GULP1: variants seen among roughly 807,000 people sequenced by gnomAD.
GULP1 encodes GULP PTB domain containing engulfment adaptor 1.
GULP1 carries 19 observed loss-of-function variants against 40.9 expected under a neutral mutation model. The observed-to-expected ratio is 0.46, with a 90% CI of 0.32 to 0.68. The LOEUF (loss-of-function observed/expected upper bound fraction) is 0.68, where lower values mean the gene tolerates loss of function less well. GULP1 is among the 30% of genes least tolerant of loss of function. The pLI is 0.03. For missense variants in GULP1, 312 were observed against 362.2 expected, an observed-to-expected ratio of 0.86 and a Z score of 1.12; for synonymous variants, 119 against 117.6, an observed-to-expected ratio of 1.01 and a Z score of -0.08.
chr2:188,503,032 A>T (rs749681702), intron 4 of GULP1, among the ~76,000 whole-genome samples: 9 of 151,844 alleles, frequency 5.9e-5, no homozygotes, highest in Non-Finnish European at 1.0e-4. Context: ...TCATAAATCC[A>T]TGACCTAATC....
In GULP1 at chr2:188,525,912, C is replaced by A. The variant is rs898709858; in HGVS notation, c.162+3085C>A. 2.6e-5 allele frequency among the ~76,000 whole-genome samples: 4 copies of A among 152,250 alleles called. No homozygotes were observed. The South Asian group carries it at 8.3e-4, about 32-fold the overall frequency. ...AATTTAATTATATATAAACATCGCT[C>A]ATTTCCCGCAGGATTATTAGAAATA... On this transcript the variant is annotated intron_variant, in intron 5 of 11. Transcript: ENST00000409830.
At chr2:188,417,581 TA>T (rs2054751803) in intron 2 of GULP1, among the ~76,000 whole-genome samples, 1 of 152,216 alleles carries the variant, frequency 6.6e-6, no homozygotes, top group South Asian at 2.1e-4. Flanking sequence ...ATATTTCACT[TA>T]ATTAAAAACT....
At chr2:188,295,617 G>C (rs181500438) in intron 1 of GULP1, among the ~76,000 whole-genome samples, 1 of 151,870 alleles carries the variant, frequency 6.6e-6, no homozygotes, top group African/African-American at 2.4e-5. Context: ...ACTCTTTTTC[G>C]GGTGAACAGA....
intron 7 of GULP1, among the ~76,000 whole-genome samples, chr2:188,548,632 AAAAG>A: frequency 6.6e-6 from 1 of 152,072 alleles, no homozygotes; most frequent in East Asian, 1.9e-4. Context: ...CAATTTCAAA[AAAAG>A]AGCAGTGAAG....
chr2:188,477,490 A>G (rs1186022408), intron 2 of GULP1, among the ~76,000 whole-genome samples, 169 bp from the exon 3 acceptor site: 1 of 152,108 alleles, frequency 6.6e-6, no homozygotes, highest in Non-Finnish European at 1.5e-5. Flanking sequence ...CACTCACGTT[A>G]TTAAGTACTT....
intron 2 of GULP1, among the ~76,000 whole-genome samples, chr2:188,456,800 C>A (rs781578568): frequency 6.6e-6 from 1 of 152,098 alleles, no homozygotes; most frequent in Non-Finnish European, 1.5e-5. Flanking sequence ...ACACTCATTG[C>A]CAACTCATGA....
chr2:188,523,456 G>A (rs922210345), intron 5 of GULP1, among the ~76,000 whole-genome samples: 1 of 152,086 alleles, frequency 6.6e-6, no homozygotes, highest in African/African-American at 2.4e-5. Context: ...TAATTGTTCC[G>A]CATCTCGAAG....
intron 4 of GULP1, among the ~76,000 whole-genome samples, chr2:188,490,517 T>C (rs186260034): frequency 1.3e-5 from 2 of 152,276 alleles, no homozygotes; most frequent in East Asian, 3.9e-4. Context: ...TTGGCAGAGA[T>C]GTGAGTGAGC....
intron 1 of GULP1, among the ~76,000 whole-genome samples, chr2:188,352,649 C>CACACACACACACACATAT (rs374718200): frequency 6.8e-6 from 1 of 146,116 alleles, no homozygotes. Flanking sequence ...CACACACACA[C>CACACACACACACACATAT]GGTTCTGTTT....
At chr2:188,363,594 A>G (rs539407049) in intron 1 of GULP1, among the ~76,000 whole-genome samples, 1 of 152,262 alleles carries the variant, frequency 6.6e-6, no homozygotes, top group East Asian at 1.9e-4. Context: ...TCCAATTTTC[A>G]AGGCAAAGGG....
chr2:188,423,647 C>CT lies in GULP1; in HGVS notation c.-45+39761dup, dbSNP rs2055763362. Among the ~76,000 whole-genome samples the CT allele has an allele frequency of 2.0e-5, 3 of 151,548 alleles. No individual in the cohort carries two copies. In the East Asian group the frequency reaches 5.8e-4, roughly 29 times the overall value. ...CTCTGCTAATCAGTATTTTCTAGCT[C>CT]TTTCTAATTTTAGTAACTTATGAAT... On this transcript the variant is annotated intron_variant, in intron 2 of 11. Transcript: ENST00000409830.
intron 2 of GULP1, among the ~76,000 whole-genome samples, chr2:188,456,606 G>T (rs2059287747): frequency 6.6e-6 from 1 of 152,206 alleles, no homozygotes; most frequent in South Asian, 2.1e-4. Context: ...TGCTGCAGGG[G>T]TGGGGTCATC....
chr2:188,564,972 T>C (rs1214130727), intron 7 of GULP1, among the ~76,000 whole-genome samples: 1 of 151,948 alleles, frequency 6.6e-6, no homozygotes, highest in Non-Finnish European at 1.5e-5. Context: ...TGACAAATGG[T>C]TTTGAAATAA....
chr2:188,529,810 A>T (rs997402432), intron 6 of GULP1, among the ~76,000 whole-genome samples: 1 of 152,136 alleles, frequency 6.6e-6, no homozygotes, highest in Admixed American at 6.6e-5. Context: ...TTGGATTAGG[A>T]ACCATACTCA....
chr2:188,382,830 C>T (rs1014506918), intron 1 of GULP1, among the ~76,000 whole-genome samples: 1 of 152,144 alleles, frequency 6.6e-6, no homozygotes, highest in African/African-American at 2.4e-5. Context: ...GGTCAATAGG[C>T]TTCTGAAGAA....
intron 2 of GULP1, among the ~76,000 whole-genome samples, chr2:188,452,086 A>G (rs903940523): frequency 1.3e-5 from 2 of 152,220 alleles, no homozygotes; most frequent in African/African-American, 4.8e-5. Flanking sequence ...ATTTTCTAAT[A>G]TGCAGACTTA....
chr2:188,462,692 G>C (rs1037337661), intron 2 of GULP1, among the ~76,000 whole-genome samples: 4 of 151,838 alleles, frequency 2.6e-5, no homozygotes, highest in African/African-American at 9.7e-5. Context: ...TTTTCTTACA[G>C]TTTCTTCCTG....
At chr2:188,512,769 T>C (rs892798264) in intron 4 of GULP1, among the ~76,000 whole-genome samples, 10 of 152,092 alleles carry the variant, frequency 6.6e-5, no homozygotes, top group Non-Finnish European at 1.3e-4. Context: ...CTTCCACACA[T>C]TTTGTTAAAT....
intron 6 of GULP1, among the ~76,000 whole-genome samples, chr2:188,537,786 T>C (rs1387366494): frequency 5.9e-5 from 9 of 152,114 alleles, no homozygotes; most frequent in Non-Finnish European, 1.2e-4. Flanking sequence ...GTAGGTATAG[T>C]AGAACTTGGC....
Sources: gnomAD v4.1 joint callset for allele counts (sites outside exome capture counted in the v4.1 genomes callset) on GRCh38, gnomAD v4.1.1 for gene constraint, MANE v1.5 for transcripts, NCBI Gene and HGNC (gene_info 2026-07-23, HGNC 2026-07-21) for gene names.